The following STX12 variants were observed in gnomAD, a reference collection of about 807,000 sequenced individuals.
STX12 encodes the protein syntaxin 12.
A neutral mutation model predicts 42.2 loss-of-function variants in STX12; 17 were observed. The ratio of observed to expected loss-of-function variants is 0.40; its 90% CI spans 0.28 to 0.60. The LOEUF (loss-of-function observed/expected upper bound fraction) is 0.60. STX12 is among the 20% of genes least tolerant of loss of function. The probability of loss-of-function intolerance (pLI) is 0.39; values close to 1 mark genes in which losing one functional copy is unlikely to be tolerated. For missense variants in STX12, 297 were observed against 330.9 expected (o/e 0.90, Z 0.79); for synonymous variants, 108 against 116.7 (o/e 0.93, Z 0.48).
intron 4 of STX12, among the ~76,000 whole-genome samples, chr1:27,808,938 C>A (rs111969117): frequency 2.6e-5 from 4 of 152,246 alleles, no homozygotes; most frequent in African/African-American, 9.6e-5. Flanking sequence ...TATGATAAAT[C>A]AGAGTTATTG....
At chr1:27,821,581 C>T (rs982708886) in intron 8 of STX12, among the ~76,000 whole-genome samples, 4 of 150,766 alleles carry the variant, frequency 2.7e-5, no homozygotes, top group Admixed American at 1.3e-4. Context: ...TTACAATGAA[C>T]ATAACAGTTT....
intron 3 of STX12, among the ~76,000 whole-genome samples, chr1:27,799,220 G>C (rs931964627): frequency 6.6e-6 from 1 of 152,078 alleles, no homozygotes; most frequent in African/African-American, 2.4e-5. Flanking sequence ...CCCACCACCA[G>C]TCAAAATGTT....
intron 1 of STX12, among the ~76,000 whole-genome samples, chr1:27,784,564 A>C (rs190234494): frequency 6.6e-6 from 1 of 152,280 alleles, no homozygotes; most frequent in Non-Finnish European, 1.5e-5. Flanking sequence ...GGGCAAATAA[A>C]TGTATCTGTA....
At position 27,819,783 on chromosome 1, in the gene STX12, C is replaced by T. The variant is rs370700701; in HGVS notation, c.732+51C>T. On this transcript the variant is annotated intron_variant, in intron 8 of 8. Transcript: ENST00000373943. Reference sequence around the variant, plus strand: ...ACTCTGTGTTGCAGACTTTTTAGGCCATCAGAGTACATTGACATATTGAGA... The same window carrying T: ...ACTCTGTGTTGCAGACTTTTTAGGCTATCAGAGTACATTGACATATTGAGA... 47 of 1,486,766 alleles carry T rather than the reference C, an allele frequency of 3.2e-5. No homozygotes were observed. The African/African-American group carries it at 5.7e-4, about 18-fold the overall frequency. 92.1% of individuals were successfully genotyped at this position (1,486,766 alleles called of 1,614,324 possible).
chr1:27,783,480 T>C (rs2088681527), intron 1 of STX12, among the ~76,000 whole-genome samples: 1 of 152,160 alleles, frequency 6.6e-6, no homozygotes, highest in South Asian at 2.1e-4. Flanking sequence ...ACTATAGGCA[T>C]GTGCCATCAT....
At chr1:27,794,867 G>A (rs1395962423) in intron 3 of STX12, among the ~76,000 whole-genome samples, 1 of 151,702 alleles carries the variant, frequency 6.6e-6, no homozygotes, top group African/African-American at 2.4e-5. Flanking sequence ...AACCACAAGT[G>A]CGCACCACCA....
At chr1:27,814,416 C>T (rs958320115) in intron 6 of STX12, among the ~76,000 whole-genome samples, 1 of 110,048 alleles carries the variant, frequency 9.1e-6, no homozygotes, top group Non-Finnish European at 1.7e-5. Flanking sequence ...GTGGTCCCAG[C>T]TACTCAGGAG....
At chr1:27,821,928 G>T (rs1051540529) in intron 8 of STX12, among the ~76,000 whole-genome samples, 1 of 152,022 alleles carries the variant, frequency 6.6e-6, no homozygotes, top group Admixed American at 6.5e-5. Context: ...TGAGACATTA[G>T]AATCACTTGA....
At chr1:27,784,286 T>C (rs111824905) in intron 1 of STX12, among the ~76,000 whole-genome samples, 6,045 of 152,264 alleles carry the variant, frequency 0.04, 206 homozygotes, top group Non-Finnish European at 0.058. Context: ...AGTGGCATGA[T>C]CATAGCTCAC....
At chr1:27,820,796 T>C (rs1461679193) in intron 8 of STX12, among the ~76,000 whole-genome samples, 1 of 152,008 alleles carries the variant, frequency 6.6e-6, no homozygotes, top group African/African-American at 2.4e-5. Context: ...AGTGATAGAC[T>C]GGATTAAGAA....
At chr1:27,780,348 A>G (rs959295262) in intron 1 of STX12, among the ~76,000 whole-genome samples, 3 of 151,036 alleles carry the variant, frequency 2.0e-5, no homozygotes, top group Non-Finnish European at 4.4e-5. Context: ...AGCTGGGATT[A>G]CAGGCGTGCA....
At chr1:27,805,350 A>G (rs1048931120) in intron 4 of STX12, among the ~76,000 whole-genome samples, 1 of 152,236 alleles carries the variant, frequency 6.6e-6, no homozygotes, top group Non-Finnish European at 1.5e-5. Context: ...ACATGGGGAA[A>G]GAAGGAATTA....
chr1:27,783,554 A>T (rs959629427), intron 1 of STX12, among the ~76,000 whole-genome samples: 1 of 151,990 alleles, frequency 6.6e-6, no homozygotes, highest in South Asian at 2.1e-4. Flanking sequence ...GCCTTGTCTC[A>T]AAACTCCTGA....
Position 27,789,614 on chromosome 1 carries a change from C to G in STX12, c.171C>G (p.Ser57Arg). 1 of 1,613,400 alleles carries G rather than the reference C, an allele frequency of 6.2e-7. No homozygotes were observed. The highest frequency in any genetic ancestry group is 8.5e-7 in the Non-Finnish European group (1 of 1,179,602). Residue 57 changes from serine to arginine, a missense_variant, in exon 2 of 9, where the codon AGC (serine) becomes AGG (arginine). Physicochemically the swap from Ser to Arg is moderately radical, Grantham distance 110 (BLOSUM62 -1). Coordinates refer to ENST00000373943, the MANE Select transcript of STX12 (RefSeq NM_177424.3). ...MSQLGTKQDS[S>R]KLQENLQQLQ... ...AGCTAGGAACTAAGCAGGACTCAAG[C>G]AAGCTACAGGAAAATCTGTGAGTAA...
intron 3 of STX12, among the ~76,000 whole-genome samples, chr1:27,800,908 T>G (rs2088823579): frequency 6.6e-6 from 1 of 152,238 alleles, no homozygotes; most frequent in South Asian, 2.1e-4. Flanking sequence ...TCAAAGATTT[T>G]AAACCACTAA....
At chr1:27,811,607 G>A (rs2148606376) in intron 5 of STX12, among the ~76,000 whole-genome samples, 1 of 151,098 alleles carries the variant, frequency 6.6e-6, no homozygotes, top group East Asian at 2.0e-4. Context: ...AAAGTGCTAG[G>A]ATTACAGGCA....
rs1297984434 is a variant in STX12 at position 27,823,556 on chromosome 1, G to T, written c.*1227G>T. On this transcript the variant is annotated 3_prime_UTR_variant, in exon 9 of 9. Coordinates refer to ENST00000373943, the MANE Select transcript of STX12 (RefSeq NM_177424.3). ...TTTGTTTAGGCTCCCACATAAATGT[G>T]AATCTGGCCAACAACTTTGGTTCAT... The T allele has an allele frequency of 6.6e-6, 1 of 152,592 alleles. No homozygotes were observed. Among genetic ancestry groups the T allele is most frequent in the Non-Finnish European group, 1.5e-5 (1 of 68,024 alleles). The allele number at this position is 152,592 out of a possible 1,614,324, so 9.5% of individuals were successfully genotyped here. A position where few individuals can be genotyped will look rare whatever the true frequency, so the allele number is the denominator to read the frequency against.
intron 1 of STX12, among the ~76,000 whole-genome samples, chr1:27,787,202 C>T (rs959100695): frequency 9.9e-5 from 15 of 152,100 alleles, no homozygotes; most frequent in Admixed American, 8.5e-4. Context: ...ATACTTGACT[C>T]GGGAAATGTT....
At chr1:27,821,757 C>A (rs565823041) in intron 8 of STX12, among the ~76,000 whole-genome samples, 82 of 152,320 alleles carry the variant, frequency 5.4e-4, no homozygotes, top group African/African-American at 1.8e-3. Context: ...TGGCCCACGC[C>A]TGTAATCCCA....
Sources: allele counts gnomAD v4.1 joint callset (sites outside exome capture counted in the v4.1 genomes callset), GRCh38; gene constraint gnomAD v4.1.1; transcripts MANE v1.5; gene names NCBI Gene and HGNC (gene_info 2026-07-23, HGNC 2026-07-21).